The following FANCA variants were observed in gnomAD, a reference collection of about 807,000 sequenced individuals.
The protein encoded by FANCA is FA complementation group A, also known as Fanconi anemia group A protein.
In FANCA, 236 loss-of-function variants were observed where a neutral mutation model predicts 194.3. That is an observed-to-expected ratio of 1.21 (90% CI 1.09 to 1.35). FANCA has a LOEUF of 1.35. FANCA is among the 40% of genes most tolerant of loss of function. The pLI is 0.00. For missense variants in FANCA, 2,628 were observed against 1,813.9 expected, an observed-to-expected ratio of 1.45 and a Z score of -8.15; for synonymous variants, 1,014 against 715.8, an observed-to-expected ratio of 1.42 and a Z score of -6.65.
intron 29 of FANCA, among the ~76,000 whole-genome samples, chr16:89,760,652 C>T (rs2038921949): frequency 6.6e-6 from 1 of 152,178 alleles, no homozygotes; most frequent in Non-Finnish European, 1.5e-5. Context: ...CATCTGGCCT[C>T]TCAAATAGTC....
rs904716004 is a variant in FANCA at position 89,797,466 on chromosome 16, G to A, written c.894-1448C>T. 7.2e-5 allele frequency among the ~76,000 whole-genome samples: 11 copies of A among 152,214 alleles called. 1 individual carries two copies. Among genetic ancestry groups the A allele is most frequent in the African/African-American group, 2.2e-4 (9 of 41,456 alleles). On this transcript the variant is annotated intron_variant, in intron 10 of 42. Transcript: ENST00000389301. Reference sequence around the variant, plus strand: ...CTCACACAACAGGGTGTGGGACATCGTGGAGATTCACTTCTCAGCCCTGCT... The same window carrying A: ...CTCACACAACAGGGTGTGGGACATCATGGAGATTCACTTCTCAGCCCTGCT...
intron 27 of FANCA, 80 bp from the exon 28 acceptor site, chr16:89,765,146 C>A (rs2039083178): frequency 6.5e-6 from 10 of 1,528,258 alleles, no homozygotes; most frequent in Non-Finnish European, 9.0e-6. Flanking sequence ...CAGGTGGAAA[C>A]AGACCATCAA....
At chr16:89,809,024 G>C (rs963738354) in intron 5 of FANCA, among the ~76,000 whole-genome samples, 4 of 151,880 alleles carry the variant, frequency 2.6e-5, no homozygotes, top group Admixed American at 2.0e-4. Context: ...TCCTGCCTCA[G>C]CCTCCTGAGT....
At position 89,752,195 on chromosome 16, in the gene FANCA, A is replaced by T; in HGVS notation, c.3009T>A (p.Asn1003Lys). The change falls in exon 31 of 43, where the codon AAT (asparagine) becomes AAA (lysine). Residue 1003 changes from asparagine to lysine, a missense_variant. Coordinates refer to ENST00000389301, the MANE Select transcript of FANCA (RefSeq NM_000135.4). The stretch of plus-strand genomic sequence containing the variant: ...TGCGGCCACCAAAGACCAAATCAGA[A>T]TTTTCTGAGTGGTCATAACTCCTTG... ...QSSRSYDHSE[N>K]SDLVFGGRTG... 12 of 1,614,118 alleles carry T rather than the reference A, an allele frequency of 7.4e-6. No homozygotes were observed. Among genetic ancestry groups the T allele is most frequent in the Non-Finnish European group, 1.0e-5 (12 of 1,179,984 alleles).
intron 20 of FANCA, among the ~76,000 whole-genome samples, chr16:89,777,032 A>G (rs938862675): frequency 2.0e-5 from 3 of 152,080 alleles, no homozygotes; most frequent in African/African-American, 7.2e-5. Flanking sequence ...CAACACAGCG[A>G]AAATCCGTGT....
Position 89,744,928 on chromosome 16 carries a change from G to A in FANCA, c.3626+31C>T, listed in dbSNP as rs150772867. ...AGCAGGTCCCGAAGTGCATCTGGGC[G>A]GGCACACCCCATCTCACCACCCACA... On this transcript the variant is annotated intron_variant, in intron 36 of 42. Coordinates refer to ENST00000389301, the MANE Select transcript of FANCA (RefSeq NM_000135.4). 6.6e-5 allele frequency: 106 copies of A among 1,594,106 alleles called. No homozygotes were observed. The East Asian group carries it at 7.2e-4, about 11-fold the overall frequency.
chr16:89,804,196 G>A (rs1461735774), intron 7 of FANCA, among the ~76,000 whole-genome samples: 1 of 151,970 alleles, frequency 6.6e-6, no homozygotes, highest in Admixed American at 6.6e-5. Context: ...AAAGCTTTAG[G>A]AAAAAGGAAA....
chr16:89,763,111 G>A (rs1221426216), intron 28 of FANCA, among the ~76,000 whole-genome samples: 3 of 151,888 alleles, frequency 2.0e-5, no homozygotes, highest in African/African-American at 7.3e-5. Context: ...GCTGGGCGCG[G>A]TGGCGTGCAC....
intron 23 of FANCA, 126 bp from the exon 24 acceptor site, chr16:89,770,760 G>T: frequency 1.2e-6 from 1 of 816,004 alleles, no homozygotes; most frequent in Non-Finnish European, 2.1e-6. Flanking sequence ...AAACAGGCTT[G>T]TTTGGAGGGC....
chr16:89,806,497 C>A (rs866466240), intron 6 of FANCA, among the ~76,000 whole-genome samples: 3 of 151,734 alleles, frequency 2.0e-5, no homozygotes, highest in Non-Finnish European at 2.9e-5. Context: ...GACCCTGAGG[C>A]CTTCTGCAGT....
chr16:89,771,778 A>G lies in FANCA; in HGVS notation c.2051T>C (p.Leu684Pro), dbSNP rs762526878. The G allele has an allele frequency of 2.5e-6, 4 of 1,614,066 alleles. No homozygotes were observed. Among genetic ancestry groups the G allele is most frequent in the South Asian group, 2.2e-5 (2 of 91,066 alleles). Residue 684 changes from leucine (L) to proline (P), a missense_variant, in exon 23 of 43, where the codon CTG (leucine) becomes CCG (proline). By Grantham distance (98) the Leu-to-Pro change is moderately conservative. Coordinates refer to ENST00000389301, the MANE Select transcript of FANCA (RefSeq NM_000135.4). The stretch of plus-strand genomic sequence containing the variant: ...CTCATTGTGGCCCAGGACAGCCCTC[A>G]GTCTTTCAGAAATCACTGCCACCTG... Reference protein sequence around the residue: ...SAQVAVISERLRAVLGHNEDD... With the variant: ...SAQVAVISERPRAVLGHNEDD...
At chr16:89,785,203 T>C (rs956440766) in intron 14 of FANCA, among the ~76,000 whole-genome samples, 3 of 152,178 alleles carry the variant, frequency 2.0e-5, no homozygotes, top group African/African-American at 7.2e-5. Flanking sequence ...AGTCATGTGG[T>C]TCATACATTT....
At chr16:89,782,022 T>C (rs2039729766) in intron 17 of FANCA, among the ~76,000 whole-genome samples, 2 of 150,702 alleles carry the variant, frequency 1.3e-5, no homozygotes, top group Admixed American at 1.3e-4. Context: ...AAAAAAAGAA[T>C]GTTTTCATTA....
chr16:89,752,277 T>C (rs1268247674), intron 30 of FANCA, 55 bp from the exon 31 acceptor site: 29 of 1,391,944 alleles, frequency 2.1e-5, no homozygotes, highest in African/African-American at 4.3e-5. Context: ...GTGCTGAAGT[T>C]CCCAGTTCTC....
intron 41 of FANCA, 79 bp downstream of exon 41, chr16:89,739,054 G>C (rs1382888975): frequency 6.2e-7 from 1 of 1,613,796 alleles, no homozygotes; most frequent in Admixed American, 1.7e-5. Flanking sequence ...TCTGCATGCT[G>C]TGCCGGAACA....
At chr16:89,751,921 C>A (rs939868427) in intron 31 of FANCA, among the ~76,000 whole-genome samples, 1 of 152,032 alleles carries the variant, frequency 6.6e-6, no homozygotes, top group African/African-American at 2.4e-5. Context: ...CAGGTGCCCG[C>A]CACCACGCCC....
intron 29 of FANCA, among the ~76,000 whole-genome samples, chr16:89,761,275 T>A (rs191240538): frequency 6.6e-6 from 1 of 151,564 alleles, no homozygotes; most frequent in Non-Finnish European, 1.5e-5. Flanking sequence ...AAAAATTAGC[T>A]GGGTATGGTG....
At chr16:89,783,277 G>A (rs907884371) in intron 15 of FANCA, among the ~76,000 whole-genome samples, 175 bp from the exon 16 acceptor site, 3 of 152,108 alleles carry the variant, frequency 2.0e-5, no homozygotes, top group South Asian at 2.1e-4. Context: ...CAAGCCGGGC[G>A]CAGCGGCTTA....
intron 26 of FANCA, among the ~76,000 whole-genome samples, chr16:89,769,412 C>T (rs2039243900): frequency 6.6e-6 from 1 of 152,148 alleles, no homozygotes; most frequent in African/African-American, 2.4e-5. Context: ...GCACATGGCC[C>T]CATCTGCTGA....
Sources: gnomAD v4.1 joint callset for allele counts (sites outside exome capture counted in the v4.1 genomes callset) on GRCh38, gnomAD v4.1.1 for gene constraint, MANE v1.5 for transcripts, NCBI Gene and HGNC (gene_info 2026-07-23, HGNC 2026-07-21) for gene names.